SEPTIN9: variants seen among roughly 807,000 people sequenced by gnomAD.
SEPTIN9 encodes septin 9.
Under a neutral mutation model 56.6 loss-of-function variants are expected in SEPTIN9, and 13 were observed. That is an observed-to-expected ratio of 0.23 (90% confidence interval 0.15 to 0.37). SEPTIN9 has a LOEUF of 0.37. Among genes scored for constraint, SEPTIN9 ranks in the 10% least tolerant of loss-of-function variants. The pLI is 1.00. For missense variants in SEPTIN9, 650 were observed against 823.1 expected (o/e 0.79, Z 2.57); for synonymous variants, 332 against 334.1 (o/e 0.99, Z 0.07).
chr17:77,320,254 G>C (rs1031395873), intron 2 of SEPTIN9: 2 of 1,611,540 alleles, frequency 1.2e-6, no homozygotes, highest in Non-Finnish European at 1.7e-6. Flanking sequence ...GGAGGGCGAC[G>C]GGGGTGAGAA....
chr17:77,296,967 C>T (rs773090465), intron 1 of SEPTIN9, among the ~76,000 whole-genome samples: 3 of 152,012 alleles, frequency 2.0e-5, no homozygotes, highest in Non-Finnish European at 4.4e-5. Context: ...GACAGGCAGA[C>T]ATAGATACAT....
intron 2 of SEPTIN9, among the ~76,000 whole-genome samples, chr17:77,338,052 C>G (rs1194954255): frequency 6.6e-6 from 1 of 152,076 alleles, no homozygotes; most frequent in Non-Finnish European, 1.5e-5. Context: ...CAAAAATTAG[C>G]TGGGTGTGGT....
chr17:77,324,075 C>T (rs1234349288), intron 2 of SEPTIN9, among the ~76,000 whole-genome samples: 1 of 152,218 alleles, frequency 6.6e-6, no homozygotes, highest in Non-Finnish European at 1.5e-5. Context: ...AAACCCTTGG[C>T]GTTCCTTGGC....
chr17:77,281,748 C>A (rs1402358927), intron 1 of SEPTIN9, 194 bp downstream of exon 1: 1 of 545,554 alleles, frequency 1.8e-6, no homozygotes, highest in Admixed American at 3.7e-5. Context: ...CCGTCCCCTG[C>A]GCTGTCTCCA....
intron 1 of SEPTIN9, among the ~76,000 whole-genome samples, chr17:77,286,797 G>C (rs919996812): frequency 2.6e-5 from 4 of 152,230 alleles, no homozygotes; most frequent in Admixed American, 2.6e-4. Flanking sequence ...GCCCGGCCAG[G>C]GGGTGATGAT....
Position 77,373,375 on chromosome 17 carries a change from G to C in SEPTIN9, c.77-28684G>C, listed in dbSNP as rs1480306108. The C allele has an allele frequency of 1.2e-5, 15 of 1,211,240 alleles. No individual in the cohort carries two copies. In the African/African-American group the frequency reaches 1.9e-4, roughly 15 times the overall value. 75.0% of individuals were successfully genotyped at this position (1,211,240 alleles called of 1,614,324 possible). A position where few individuals can be genotyped will look rare whatever the true frequency, so the allele number is the denominator to read the frequency against. On this transcript the variant is annotated intron_variant, in intron 2 of 11. Coordinates refer to ENST00000427177, the MANE Select transcript of SEPTIN9 (RefSeq NM_001113491.2). ...AGCCAGGGGGCCTAGGGGCTCCTCC[G>C]GCGGCTAGCTCTGCACTGCAGGAGC...
intron 3 of SEPTIN9, chr17:77,481,870 A>G: frequency 1.9e-6 from 1 of 513,896 alleles, no homozygotes; most frequent in Non-Finnish European, 3.5e-6. Flanking sequence ...CACAGCTCCT[A>G]GAAGAGGAGA....
chr17:77,354,731 GCAGGCGCGAAGCCAT>G (rs2143820199), intron 2 of SEPTIN9, among the ~76,000 whole-genome samples: 1 of 152,104 alleles, frequency 6.6e-6, no homozygotes, highest in South Asian at 2.1e-4. Flanking sequence ...CTCCCCCAGC[GCAGGCGCGAAGCCAT>G]CTTTGCTTGT....
Position 77,499,835 on chromosome 17 carries a change from G to C in SEPTIN9, c.*1177G>C, listed in dbSNP as rs1338523230. 6.3e-6 allele frequency: 2 copies of C among 317,080 alleles called. No individual in the cohort carries two copies. The highest frequency in any genetic ancestry group is 1.2e-5 in the Non-Finnish European group (2 of 168,366). 19.6% of individuals were successfully genotyped at this position (317,080 alleles called of 1,614,324 possible). ...CGAGCCTGACTCTGTTGATCTACCC[G>C]TGCCTGGGCCCCTCCCCTCAGAGCC... On this transcript the variant is annotated 3_prime_UTR_variant, in exon 12 of 12. Coordinates refer to ENST00000427177, the MANE Select transcript of SEPTIN9 (RefSeq NM_001113491.2).
intron 2 of SEPTIN9, among the ~76,000 whole-genome samples, chr17:77,384,477 C>T (rs369575920): frequency 5.3e-5 from 8 of 151,414 alleles, no homozygotes; most frequent in Non-Finnish European, 7.4e-5. Flanking sequence ...TAGCAGCCTC[C>T]GAATGGAGGC....
chr17:77,482,711 G>A (rs1017688631), intron 4 of SEPTIN9: 11 of 584,832 alleles, frequency 1.9e-5, no homozygotes, highest in Admixed American at 9.0e-5. Context: ...GCTCCCCACC[G>A]CACCCCACCG....
Position 77,367,051 on chromosome 17 carries a change from T to C in SEPTIN9, c.77-35008T>C, listed in dbSNP as rs1362787411. 1.3e-5 allele frequency among the ~76,000 whole-genome samples: 2 copies of C among 152,164 alleles called. No individual in the cohort carries two copies. The highest frequency in any genetic ancestry group is 2.9e-5 in the Non-Finnish European group (2 of 68,032). Reference sequence around the variant, plus strand: ...CAGATTGGTCATGTGCTTCTTTGAGTGAAACCTTATGGTTGCATTGAAGCG... The same window carrying C: ...CAGATTGGTCATGTGCTTCTTTGAGCGAAACCTTATGGTTGCATTGAAGCG... On this transcript the variant is annotated intron_variant, in intron 2 of 11. Coordinates refer to ENST00000427177, the MANE Select transcript of SEPTIN9 (RefSeq NM_001113491.2). The surrounding 1 kb of genome is among the most constrained non-coding windows in gnomAD (Gnocchi z 4.5).
At chr17:77,401,731 A>AG (rs1254644517) in intron 2 of SEPTIN9, among the ~76,000 whole-genome samples, 1 of 151,760 alleles carries the variant, frequency 6.6e-6, no homozygotes, top group African/African-American at 2.4e-5. Context: ...AAAAAAAAAA[A>AG]GAAGGAAATA....
chr17:77,292,212 C>T (rs1243757970), intron 1 of SEPTIN9, among the ~76,000 whole-genome samples: 2 of 152,178 alleles, frequency 1.3e-5, no homozygotes, highest in African/African-American at 2.4e-5. Flanking sequence ...CTTCTGGAAC[C>T]CTCAGGCTCC....
rs1472805348 is a variant in SEPTIN9, at chr17:77,434,947, C to G, written c.721+32244C>G. ...GACCTCACCCTTCCTCTGCCGACAT[C>G]AGGCTGCCGGTGCTGGACGGGGCCC... On this transcript the variant is annotated intron_variant, in intron 3 of 11. Coordinates refer to ENST00000427177, the MANE Select transcript of SEPTIN9 (RefSeq NM_001113491.2). This position sits in a 1 kb window ranked among gnomAD's most constrained non-coding sequence, Gnocchi z 5.0. Among the ~76,000 whole-genome samples the G allele has an allele frequency of 6.6e-6, 1 of 152,168 alleles. No individual in the cohort carries two copies. Among genetic ancestry groups the G allele is most frequent in the Non-Finnish European group, 1.5e-5 (1 of 68,018 alleles).
At chr17:77,464,952 A>G (rs562829889) in intron 3 of SEPTIN9, among the ~76,000 whole-genome samples, 1 of 152,174 alleles carries the variant, frequency 6.6e-6, no homozygotes, top group Non-Finnish European at 1.5e-5. Flanking sequence ...AGCACATTTC[A>G]TCATCCCCAA....
rs551274431 is a variant in SEPTIN9, at chr17:77,321,631, G to A, written c.76+14434G>A. On this transcript the variant is annotated intron_variant, in intron 2 of 11. Coordinates refer to ENST00000427177, the MANE Select transcript of SEPTIN9 (RefSeq NM_001113491.2). ...TCTCGATCTCCTGATCTCGTGATCC[G>A]CCCGCCTCAGCCTCCCAAAGTGCTG... 7.7e-3 allele frequency among the ~76,000 whole-genome samples: 1,171 copies of A among 152,160 alleles called. 10 individuals are homozygous for A. Among genetic ancestry groups the A allele is most frequent in the Middle Eastern group, 0.037 (11 of 294 alleles).
chr17:77,408,112 G>A (rs982715793), intron 3 of SEPTIN9, among the ~76,000 whole-genome samples: 5 of 152,184 alleles, frequency 3.3e-5, no homozygotes, highest in African/African-American at 1.2e-4. Flanking sequence ...GGGCAAGAGG[G>A]AGGCCAGGCC....
rs1567996714 is a variant in SEPTIN9, at chr17:77,329,426, T to C, written c.76+22229T>C. 6.6e-6 allele frequency among the ~76,000 whole-genome samples: 1 copy of C among 151,946 alleles called. No individual in the cohort carries two copies. The highest frequency in any genetic ancestry group is 1.5e-5 in the Non-Finnish European group (1 of 67,944). On this transcript the variant is annotated intron_variant, in intron 2 of 11. Coordinates refer to ENST00000427177, the MANE Select transcript of SEPTIN9 (RefSeq NM_001113491.2). The surrounding 1 kb of genome is among the most constrained non-coding windows in gnomAD (Gnocchi z 4.3). Reference sequence around the variant, plus strand: ...TGTGCTGCCCTGGTGGCTGCCGGCTTTAGGAGGAGCGCTTTTGGTGTCTGA... The same window carrying C: ...TGTGCTGCCCTGGTGGCTGCCGGCTCTAGGAGGAGCGCTTTTGGTGTCTGA...
Sources: gnomAD v4.1 joint callset for allele counts (sites outside exome capture counted in the v4.1 genomes callset) on GRCh38, gnomAD v4.1.1 for gene constraint, Gnocchi (gnomAD v3.1) non-coding constraint, MANE v1.5 for transcripts, NCBI Gene and HGNC (gene_info 2026-07-23, HGNC 2026-07-21) for gene names.